RAI1: variants seen among roughly 807,000 people sequenced by gnomAD.
RAI1 encodes retinoic acid-induced protein 1.
A neutral mutation model predicts 123.8 loss-of-function variants in RAI1; 9 were observed. That is an observed-to-expected ratio of 0.07 (90% confidence interval 0.04 to 0.13). The LOEUF is 0.13. RAI1 is among the 10% of genes least tolerant of loss of function. RAI1 has a pLI of 1.00. For missense variants in RAI1, 2,256 were observed against 2,545.8 expected (o/e 0.89, Z 2.45); for synonymous variants, 1,231 against 1,127.3 (o/e 1.09, Z -1.84).
In RAI1 at chr17:17,797,467, G is replaced by C. The variant is rs1314444007; in HGVS notation, c.4519G>C (p.Ala1507Pro). Residue 1507 changes from alanine (A) to proline (P), a missense_variant, in exon 3 of 6, where the codon GCC becomes CCC. By Grantham distance (27) the Ala-to-Pro change is conservative. This residue lies in a region of RAI1 where 410 missense variants were observed against 374.6 expected (regional missense o/e 1.09). Transcript: ENST00000353383. ...KKPKMEELGL[A>P]SQPPEGRPCQ... ...GCCAAAGATGGAGGAGCTGGGCCTG[G>C]CCTCCCAGCCCCCGGAGGGCAGGCC... The C allele has an allele frequency of 3.7e-6, 6 of 1,613,240 alleles. No homozygotes were observed. Among genetic ancestry groups the C allele is most frequent in the African/African-American group, 1.3e-5 (1 of 74,896 alleles).
chr17:17,721,689 C>T (rs1567847849), intron 1 of RAI1, among the ~76,000 whole-genome samples: 1 of 152,234 alleles, frequency 6.6e-6, no homozygotes. Flanking sequence ...TTTCCGTTGC[C>T]ACCTTAATGG....
rs766240657 is a variant in RAI1, at chr17:17,798,120, G to C, written c.5172G>C (p.Arg1724=). Residue 1724 remains arginine, a synonymous_variant, in exon 3 of 6, where the codon CGG becomes CGC. Coordinates refer to ENST00000353383, the MANE Select transcript of RAI1 (RefSeq NM_030665.4). ...KKKPKLKEKV[R]PEGTCEEASL... ...AGCCAAAACTCAAGGAGAAGGTGCG[G>C]CCAGAAGGCACCTGTGAGGAGGCCT... 1.2e-6 allele frequency: 2 copies of C among 1,613,840 alleles called. No homozygotes were observed. Among genetic ancestry groups the C allele is most frequent in the East Asian group, 4.5e-5 (2 of 44,876 alleles).
At chr17:17,721,055 G>A (rs756543400) in intron 1 of RAI1, among the ~76,000 whole-genome samples, 1 of 151,482 alleles carries the variant, frequency 6.6e-6, no homozygotes, top group African/African-American at 2.4e-5. Context: ...CTCACTGAGC[G>A]ACCTGGAATC....
chr17:17,772,735 C>A (rs2031203610), intron 2 of RAI1, among the ~76,000 whole-genome samples: 1 of 152,208 alleles, frequency 6.6e-6, no homozygotes, highest in Admixed American at 6.5e-5. Flanking sequence ...TGTTCCCACT[C>A]AGGTATGACG....
intron 2 of RAI1, among the ~76,000 whole-genome samples, chr17:17,757,524 C>T (rs759306849): frequency 3.9e-5 from 6 of 152,204 alleles, no homozygotes; most frequent in Non-Finnish European, 8.8e-5. Context: ...CCCCCTCGGG[C>T]ACTGCGGCTT....
intron 1 of RAI1, among the ~76,000 whole-genome samples, chr17:17,686,568 C>CGTTTGTGTGT (rs750507452): frequency 8.0e-6 from 1 of 124,430 alleles, no homozygotes; most frequent in Non-Finnish European, 1.7e-5. Context: ...TTCTTGAACC[C>CGTTTGTGTGT]GTGTGTGTGT....
chr17:17,719,463 C>T (rs1915809993), intron 1 of RAI1, among the ~76,000 whole-genome samples: 1 of 152,198 alleles, frequency 6.6e-6, no homozygotes, highest in Non-Finnish European at 1.5e-5. Flanking sequence ...TGCCTCACTA[C>T]CTTTGTCTGT....
At chr17:17,790,034 G>A (rs1402176922) in intron 2 of RAI1, among the ~76,000 whole-genome samples, 1 of 152,216 alleles carries the variant, frequency 6.6e-6, no homozygotes, top group Non-Finnish European at 1.5e-5. Context: ...CGGGGCCAGG[G>A]AGGGGGGTGC....
rs2143002012 is a variant in RAI1 at position 17,794,673 on chromosome 17, A to G, written c.1725A>G (p.Leu575=). 1 of 1,612,920 alleles carries G rather than the reference A, an allele frequency of 6.2e-7. No homozygotes were observed. The highest frequency in any genetic ancestry group is 1.1e-5 in the South Asian group (1 of 91,088). ...AATCTGACGACTCCTTCCAGAGCCT[A>G]CACGGCAGTCTGCCGCTCGACAGCT... ...STKSDDSFQS[L]HGSLPLDSFS... is the part of the protein sequence containing the mutation. The change falls in exon 3 of 6, where the codon CTA becomes CTG. Residue 575 remains leucine (L), a synonymous_variant. Transcript: ENST00000353383.
chr17:17,796,587 G>C lies in RAI1; in HGVS notation c.3639G>C (p.Lys1213Asn). ...TCCCCAAACCTGGTGCAGGCAGCAA[G>C]CTCTCTGACCGGCCCCTCCATGCGC... Reference protein sequence around the residue: ...ARVPKPGAGSKLSDRPLHALK... With the variant: ...ARVPKPGAGSNLSDRPLHALK... The change falls in exon 3 of 6, where the codon AAG becomes AAC. Residue 1213 changes from lysine to asparagine, a missense_variant. By Grantham distance (94) the Lys-to-Asn change is moderately conservative. Around this residue, in one of 7 missense-constraint regions of RAI1, gnomAD observed 322 missense variants for 358.0 expected, o/e 0.90. Transcript: ENST00000353383. This position sits in a 1 kb window ranked among gnomAD's most constrained non-coding sequence, Gnocchi z 5.8. 1.2e-6 allele frequency: 2 copies of C among 1,611,804 alleles called. No homozygotes were observed. The highest frequency in any genetic ancestry group is 1.7e-6 in the Non-Finnish European group (2 of 1,179,984).
intron 2 of RAI1, chr17:17,765,893 G>A (rs2030908582): frequency 6.6e-6 from 1 of 152,304 alleles, no homozygotes; most frequent in African/African-American, 2.4e-5. Flanking sequence ...GAAGCCAGGA[G>A]AATGGTGGGG....
chr17:17,712,701 G>C (rs1443742011), intron 1 of RAI1, among the ~76,000 whole-genome samples: 1 of 152,190 alleles, frequency 6.6e-6, no homozygotes, highest in Non-Finnish European at 1.5e-5. Context: ...GATGCGGCCT[G>C]AACAGGAAGG....
At chr17:17,684,429 T>C (rs984113070) in intron 1 of RAI1, 39 of 151,790 alleles carry the variant, frequency 2.6e-4, no homozygotes, top group African/African-American at 8.7e-4. Context: ...TACCCAGAAT[T>C]TGAAAAAAAC....
chr17:17,765,531 C>T (rs1444112978), intron 2 of RAI1, among the ~76,000 whole-genome samples: 3 of 152,276 alleles, frequency 2.0e-5, no homozygotes, highest in South Asian at 4.1e-4. Context: ...GTAGGCCTTA[C>T]TGTGTGAGTC....
At chr17:17,768,264 C>T (rs746106973) in intron 2 of RAI1, among the ~76,000 whole-genome samples, 5 of 152,166 alleles carry the variant, frequency 3.3e-5, no homozygotes, top group African/African-American at 9.7e-5. Flanking sequence ...CCAGGGCTGG[C>T]GCTCAGAAAT....
intron 2 of RAI1, among the ~76,000 whole-genome samples, chr17:17,734,071 C>T (rs946023043): frequency 2.6e-5 from 4 of 152,126 alleles, no homozygotes; most frequent in Non-Finnish European, 5.9e-5. Context: ...AGAAAATGAG[C>T]ATCCAGGACA....
chr17:17,799,541 GCTCTC>G lies in RAI1; in HGVS notation c.5565+1029_5565+1033del, dbSNP rs2032386054. Among the ~76,000 whole-genome samples, 1 of 152,120 alleles carries G rather than the reference GCTCTC, an allele frequency of 6.6e-6. No individual in the cohort carries two copies. The highest frequency in any genetic ancestry group is 2.4e-5 in the African/African-American group (1 of 41,410). ...AGACTTCCGTGGAGTGACGCTCCCG[GCTCTC>G]AGCGCTGTGTGGTGGCTCTCAGTGG... is the stretch of plus-strand genomic sequence containing the variant. On this transcript the variant is annotated intron_variant, in intron 3 of 5. Transcript: ENST00000353383. This position sits in a 1 kb window ranked among gnomAD's most constrained non-coding sequence, Gnocchi z 4.5.
Position 17,719,236 on chromosome 17 carries a change from C to T in RAI1, c.-148-4792C>T, listed in dbSNP as rs565889825. Among the ~76,000 whole-genome samples the T allele has an allele frequency of 9.2e-5, 14 of 152,288 alleles. No individual in the cohort carries two copies. In the South Asian group the frequency reaches 1.0e-3, roughly 11 times the overall value. ...AAAACACTGCAGAAATGCCTCATCT[C>T]GTTCAGTCTAAGAGCCAAAGTCCCT... On this transcript the variant is annotated intron_variant, in intron 1 of 5. Coordinates refer to ENST00000353383, the MANE Select transcript of RAI1 (RefSeq NM_030665.4).
intron 1 of RAI1, among the ~76,000 whole-genome samples, chr17:17,682,848 G>A (rs1436884108): frequency 6.6e-6 from 1 of 152,188 alleles, no homozygotes; most frequent in Non-Finnish European, 1.5e-5. Flanking sequence ...GCCCGGGCTG[G>A]CGGGGGCGCG....
Sources: gnomAD v4.1 joint callset for allele counts (sites outside exome capture counted in the v4.1 genomes callset) on GRCh38, gnomAD v4.1.1 for gene constraint, gnomAD v4.1.1 regional missense constraint, Gnocchi (gnomAD v3.1) non-coding constraint, MANE v1.5 for transcripts, NCBI Gene and HGNC (gene_info 2026-07-23, HGNC 2026-07-21) for gene names.